The following LRBA variants were observed in gnomAD, a reference collection of about 807,000 sequenced individuals.
LRBA encodes LPS responsive beige-like anchor protein.
LRBA carries 176 observed loss-of-function variants against 330.0 expected under a neutral mutation model. That is an observed-to-expected ratio of 0.53 (90% CI 0.47 to 0.60). LRBA has a LOEUF of 0.60. LRBA is among the 20% of genes least tolerant of loss of function. The probability of loss-of-function intolerance (pLI) is 0.00; values close to 1 mark genes in which losing one functional copy is unlikely to be tolerated. For missense variants in LRBA, 3,259 were observed against 3,444.8 expected (o/e 0.95, Z 1.35); for synonymous variants, 1,230 against 1,193.0 (o/e 1.03, Z -0.64).
At chr4:150,697,344 A>C (rs1242436346) in intron 36 of LRBA, among the ~76,000 whole-genome samples, 9 of 148,842 alleles carry the variant, frequency 6.0e-5, no homozygotes, top group African/African-American at 2.2e-4. Flanking sequence ...AAAAAAAAAA[A>C]AAAAAAACAG....
At position 150,521,869 on chromosome 4, in the gene LRBA, C is replaced by A. The variant is rs116552271; in HGVS notation, c.6331-30834G>T. ...TTAGGTTAAATTTGTTGATAGTGTT[C>A]ATGAATTCTACATAATTACTGACAA... On this transcript the variant is annotated intron_variant, in intron 40 of 56. Transcript: ENST00000651943. Among the ~76,000 whole-genome samples, 643 of 152,218 alleles carry A rather than the reference C, an allele frequency of 4.2e-3. 3 individuals carry two copies. The highest frequency in any genetic ancestry group is 0.015 in the African/African-American group (622 of 41,532).
chr4:150,657,115 T>C (rs976754234), intron 37 of LRBA, among the ~76,000 whole-genome samples: 26 of 152,306 alleles, frequency 1.7e-4, no homozygotes, highest in African/African-American at 5.5e-4. Context: ...TACAAGTGTA[T>C]GAACTAATGT....
At chr4:150,806,147 T>A in intron 33 of LRBA, 124 bp downstream of exon 33, 1 of 627,932 alleles carries the variant, frequency 1.6e-6, no homozygotes, top group Non-Finnish European at 2.6e-6. Context: ...AGATAGCCTA[T>A]GAGAAACCTT....
intron 42 of LRBA, among the ~76,000 whole-genome samples, chr4:150,483,402 CTT>C (rs1338200422): frequency 2.0e-5 from 3 of 151,414 alleles, no homozygotes. Flanking sequence ...TATATTAAGT[CTT>C]TTGTTTTTTT....
chr4:150,559,860 ATATATAATATATAATTATATATAATT>A (rs1768004414), intron 40 of LRBA, among the ~76,000 whole-genome samples: 2 of 21,774 alleles, frequency 9.2e-5, no homozygotes, highest in African/African-American at 2.5e-4. Flanking sequence ...ATATATAATT[ATATATAATATATAATTATATATAATT>A]ATATATAATT....
intron 31 of LRBA, among the ~76,000 whole-genome samples, chr4:150,813,547 T>C (rs1744106475): frequency 6.6e-6 from 1 of 152,146 alleles, no homozygotes; most frequent in Non-Finnish European, 1.5e-5. Flanking sequence ...TCAATTTTTA[T>C]GGGTTATAAA....
chr4:150,595,015 AT>A (rs1042269892), intron 38 of LRBA, among the ~76,000 whole-genome samples: 9 of 152,134 alleles, frequency 5.9e-5, no homozygotes, highest in African/African-American at 2.2e-4. Context: ...AAGAATTAGC[AT>A]TTTTAAAAAA....
chr4:150,793,279 G>A (rs903869760), intron 34 of LRBA, among the ~76,000 whole-genome samples: 23 of 151,966 alleles, frequency 1.5e-4, no homozygotes, highest in Admixed American at 4.6e-4. Context: ...CTCCAGCCTG[G>A]GCAACAGAGC....
At chr4:150,538,906 T>C (rs1176794232) in intron 40 of LRBA, among the ~76,000 whole-genome samples, 6 of 152,082 alleles carry the variant, frequency 3.9e-5, no homozygotes, top group Admixed American at 3.9e-4. Context: ...TCAGTGTTAT[T>C]CAATATTCCC....
At position 150,277,712 on chromosome 4, in the gene LRBA, G is replaced by A. The variant is rs1056193469; in HGVS notation, c.8468+141C>T. The stretch of plus-strand genomic sequence containing the variant: ...AGACAGGGTCTTGCAATGTTGCCCA[G>A]GCTGGCTTCGAACTCCTGGGCTCAA... On this transcript the variant is annotated intron_variant, in intron 56 of 56. Transcript: ENST00000651943. 3.5e-6 allele frequency: 3 copies of A among 852,136 alleles called. No individual in the cohort carries two copies. In the East Asian group the frequency reaches 7.6e-5, roughly 22 times the overall value. 52.8% of individuals were successfully genotyped at this position (852,136 alleles called of 1,614,324 possible).
At chr4:150,849,095 G>C (rs1484018219) in intron 25 of LRBA, 97 bp from the exon 26 acceptor site, 3 of 791,246 alleles carry the variant, frequency 3.8e-6, no homozygotes, top group African/African-American at 3.6e-5. Context: ...TAAGTAGTCA[G>C]ACTTTCAGAA....
Position 151,014,535 on chromosome 4 carries a change from T to C in LRBA, c.108A>G (p.Lys36=), listed in dbSNP as rs758402612. 53 of 1,613,972 alleles carry C rather than the reference T, an allele frequency of 3.3e-5. No homozygotes were observed. The highest frequency in any genetic ancestry group is 4.3e-5 in the Non-Finnish European group (51 of 1,180,000). ...TGATGCCCCTGATGGGGAGCCCTGGTTTCAGAGACAATGCACCCCCTTCAG... is the reference window on the plus strand; with the variant it reads ...TGATGCCCCTGATGGGGAGCCCTGGCTTCAGAGACAATGCACCCCCTTCAG... ...TPTEGGALSL[K]PGLPIRGIRM... is the part of the protein sequence containing the mutation. Residue 36 remains lysine (K), a synonymous_variant, in exon 2 of 57, where the codon AAA becomes AAG. Coordinates refer to ENST00000651943, the MANE Select transcript of LRBA (RefSeq NM_001364905.1).
chr4:150,681,746 T>A (rs1370670362), intron 37 of LRBA, among the ~76,000 whole-genome samples: 1 of 152,162 alleles, frequency 6.6e-6, no homozygotes, highest in African/African-American at 2.4e-5. Context: ...GAGGAAAAAG[T>A]AAGAGATATT....
intron 47 of LRBA, among the ~76,000 whole-genome samples, chr4:150,354,219 T>C (rs1737532375): frequency 1.3e-5 from 2 of 152,142 alleles, no homozygotes; most frequent in Admixed American, 1.3e-4. Context: ...TAAAATAGCT[T>C]TTTTATATAT....
intron 2 of LRBA, among the ~76,000 whole-genome samples, chr4:150,966,183 G>A (rs1738859619): frequency 6.6e-6 from 1 of 152,110 alleles, no homozygotes. Context: ...AGTGGAAGAT[G>A]GTAGAAAAGA....
At chr4:150,834,458 T>C (rs1331884795) in intron 28 of LRBA, among the ~76,000 whole-genome samples, 3 of 152,232 alleles carry the variant, frequency 2.0e-5, no homozygotes, top group Non-Finnish European at 1.5e-5. Context: ...CTTGTATATC[T>C]GATCAGAGCT....
chr4:150,442,479 T>C (rs1306268356), intron 44 of LRBA, among the ~76,000 whole-genome samples: 1 of 152,202 alleles, frequency 6.6e-6, no homozygotes, highest in Non-Finnish European at 1.5e-5. Flanking sequence ...CTTAGGATCC[T>C]GATGACTGGC....
At chr4:150,795,430 T>C (rs1368072759) in intron 34 of LRBA, among the ~76,000 whole-genome samples, 7 of 152,050 alleles carry the variant, frequency 4.6e-5, no homozygotes, top group Non-Finnish European at 7.4e-5. Context: ...TCCTGAAGAA[T>C]GTAAGCAGTC....
chr4:150,766,128 T>C (rs940303441), intron 34 of LRBA, among the ~76,000 whole-genome samples: 2 of 152,076 alleles, frequency 1.3e-5, no homozygotes, highest in Admixed American at 1.3e-4. Context: ...TTTGTTAACC[T>C]TCAGTAATTA....
Sources: allele counts gnomAD v4.1 joint callset (sites outside exome capture counted in the v4.1 genomes callset), GRCh38; gene constraint gnomAD v4.1.1; transcripts MANE v1.5; gene names NCBI Gene and HGNC (gene_info 2026-07-23, HGNC 2026-07-21).